MBTD1: variants seen among roughly 807,000 people sequenced by gnomAD.
MBTD1 encodes mbt domain containing 1, also known as MBT domain-containing protein 1.
Under a neutral mutation model 87.8 loss-of-function variants are expected in MBTD1, and 24 were observed. The ratio of observed to expected loss-of-function variants is 0.27; its 90% CI spans 0.20 to 0.38. MBTD1 has a LOEUF of 0.38. MBTD1 is among the 10% of genes least tolerant of loss of function. MBTD1 has a pLI of 1.00. For synonymous variants in MBTD1, 237 were observed against 248.6 expected (o/e 0.95, Z 0.44); for missense variants, 436 against 760.2 (o/e 0.57, Z 5.02).
intron 6 of MBTD1, among the ~76,000 whole-genome samples, chr17:51,210,087 C>T (rs1011342579): frequency 1.3e-5 from 2 of 152,070 alleles, no homozygotes; most frequent in African/African-American, 2.4e-5. Flanking sequence ...CTGCAACCTC[C>T]GCCTCCTGGG....
chr17:51,202,638 A>G (rs2051557520), intron 10 of MBTD1, 63 bp downstream of exon 10: 1 of 1,243,258 alleles, frequency 8.0e-7, no homozygotes, highest in African/African-American at 1.5e-5. Context: ...AGAGAAAAAT[A>G]ACCAACTAGT....
chr17:51,244,554 T>G (rs2054324699), intron 2 of MBTD1, among the ~76,000 whole-genome samples: 2 of 151,942 alleles, frequency 1.3e-5, no homozygotes, highest in African/African-American at 4.8e-5. Flanking sequence ...ATTACAGGTG[T>G]GCACCAACAA....
intron 6 of MBTD1, among the ~76,000 whole-genome samples, chr17:51,208,631 T>C (rs566364746): frequency 1.1e-3 from 175 of 152,322 alleles, no homozygotes; most frequent in Non-Finnish European, 2.0e-3. Flanking sequence ...CAGTGCAGCA[T>C]CCATCCCTCT....
intron 2 of MBTD1, among the ~76,000 whole-genome samples, chr17:51,257,601 G>A (rs1266147382): frequency 6.6e-6 from 1 of 152,130 alleles, no homozygotes; most frequent in Non-Finnish European, 1.5e-5. Context: ...TAAAGAATAT[G>A]GCAGCGTCTT....
At position 51,229,727 on chromosome 17, in the gene MBTD1, C is replaced by G. The variant is rs186784923; in HGVS notation, c.-48-4518G>C. On this transcript the variant is annotated intron_variant, in intron 2 of 16. Coordinates refer to ENST00000586178, the MANE Select transcript of MBTD1 (RefSeq NM_017643.3). ...CCAGGCTGGAGTGCAGTGGCGCAAT[C>G]TTGGCTCACTGCAAGCTCCGTCTCC... Among the ~76,000 whole-genome samples the G allele has an allele frequency of 2.9e-4, 42 of 146,822 alleles. 3 individuals are homozygous for G. The highest frequency in any genetic ancestry group is 2.9e-3 in the Admixed American group (41 of 14,378).
intron 6 of MBTD1, among the ~76,000 whole-genome samples, chr17:51,212,893 A>T (rs1568185235): frequency 6.6e-6 from 1 of 151,778 alleles, no homozygotes; most frequent in Admixed American, 6.6e-5. Context: ...AGTCTAGCTA[A>T]TTTTTTTTCT....
In MBTD1 at chr17:51,259,916, C is replaced by T. The variant is rs921227920; in HGVS notation, c.-194G>A. 4.4e-5 allele frequency: 54 copies of T among 1,226,134 alleles called. No individual in the cohort carries two copies. Among genetic ancestry groups the T allele is most frequent in the Non-Finnish European group, 5.2e-5 (51 of 982,700 alleles). The allele number at this position is 1,226,134 out of a possible 1,614,324, so 76.0% of individuals were successfully genotyped here. Reference sequence around the variant, plus strand: ...GAGCCCGCGGCGCCCCCTCCCCGGGCTGGGGGCAGGTGCCTCTCCCCGGGA... The same window carrying T: ...GAGCCCGCGGCGCCCCCTCCCCGGGTTGGGGGCAGGTGCCTCTCCCCGGGA... On this transcript the variant is annotated 5_prime_UTR_variant, in exon 1 of 17. Coordinates refer to ENST00000586178, the MANE Select transcript of MBTD1 (RefSeq NM_017643.3).
intron 3 of MBTD1, among the ~76,000 whole-genome samples, chr17:51,221,601 C>T (rs552508483): frequency 1.1e-4 from 16 of 152,156 alleles, no homozygotes; most frequent in Non-Finnish European, 2.1e-4. Flanking sequence ...GGTTCTGTAT[C>T]TGTGGATTCA....
intron 3 of MBTD1, among the ~76,000 whole-genome samples, chr17:51,224,628 T>C (rs1253509391): frequency 1.3e-5 from 2 of 152,186 alleles, no homozygotes; most frequent in African/African-American, 4.8e-5. Flanking sequence ...CAAGCACCAG[T>C]TATGTTAAAA....
In MBTD1 at chr17:51,218,645, G is replaced by A. The variant is rs1158133424; in HGVS notation, c.403+285C>T. 6.6e-6 allele frequency among the ~76,000 whole-genome samples: 1 copy of A among 150,460 alleles called. No homozygotes were observed. The highest frequency in any genetic ancestry group is 1.5e-5 in the Non-Finnish European group (1 of 67,846). The stretch of plus-strand genomic sequence containing the variant: ...AGCCTGCTGAACATCCCATTTCTTT[G>A]CCTAATATCTTCACAATTCAAAGAA... On this transcript the variant is annotated intron_variant, in intron 5 of 16. Coordinates refer to ENST00000586178, the MANE Select transcript of MBTD1 (RefSeq NM_017643.3).
chr17:51,200,914 A>G lies in MBTD1; in HGVS notation c.1224+678T>C, dbSNP rs1460360855. ...CGTGGCTCATGCCTATAATCCTAGCACTTTAGGAGGATTGCCTGAGCCCAG... is the reference window on the plus strand; with the variant it reads ...CGTGGCTCATGCCTATAATCCTAGCGCTTTAGGAGGATTGCCTGAGCCCAG... On this transcript the variant is annotated intron_variant, in intron 12 of 16. Coordinates refer to ENST00000586178, the MANE Select transcript of MBTD1 (RefSeq NM_017643.3). Among the ~76,000 whole-genome samples the G allele has an allele frequency of 1.8e-4, 27 of 151,928 alleles. 1 individual carries two copies. The highest frequency in any genetic ancestry group is 1.8e-3 in the Admixed American group (27 of 15,222).
upstream of MBTD1, chr17:51,260,308 T>C: frequency 1.9e-6 from 1 of 532,448 alleles, no homozygotes; most frequent in South Asian, 2.5e-5. Flanking sequence ...TTCAATATGT[T>C]GCAGCTGCGA....
chr17:51,201,294 T>C (rs919335860), intron 12 of MBTD1, among the ~76,000 whole-genome samples: 1 of 152,222 alleles, frequency 6.6e-6, no homozygotes, highest in African/African-American at 2.4e-5. Context: ...AACTTGGCCT[T>C]GTTACAATTC....
chr17:51,195,812 A>G (rs1228965409), intron 12 of MBTD1, among the ~76,000 whole-genome samples: 1 of 152,204 alleles, frequency 6.6e-6, no homozygotes, highest in Non-Finnish European at 1.5e-5. Flanking sequence ...TTTATGCTAC[A>G]GATAACCATA....
intron 2 of MBTD1, among the ~76,000 whole-genome samples, chr17:51,243,264 T>C (rs1297917290): frequency 1.3e-5 from 2 of 151,480 alleles, no homozygotes; most frequent in African/African-American, 2.4e-5. Flanking sequence ...GGATGAAAAA[T>C]GGTATGCCAG....
At chr17:51,190,551 C>CAT (rs1246060294) in intron 16 of MBTD1, among the ~76,000 whole-genome samples, 2 of 146,578 alleles carry the variant, frequency 1.4e-5, no homozygotes, top group Non-Finnish European at 1.5e-5. Flanking sequence ...GGTGAGACAC[C>CAT]ATTTCTATAA....
intron 16 of MBTD1, among the ~76,000 whole-genome samples, chr17:51,182,710 AT>A (rs776392529): frequency 1.3e-5 from 2 of 152,054 alleles, no homozygotes; most frequent in Non-Finnish European, 2.9e-5. Context: ...AAAGTTCTTC[AT>A]TTTTCTCTAT....
chr17:51,246,542 TTTGA>T (rs759232603), intron 2 of MBTD1, among the ~76,000 whole-genome samples: 76 of 152,356 alleles, frequency 5.0e-4, no homozygotes, highest in Non-Finnish European at 8.4e-4. Context: ...CGCTGAATTG[TTTGA>T]AGGTAGTTTT....
chr17:51,219,110 A>C, intron 4 of MBTD1, 66 bp from the exon 5 acceptor site: 1 of 754,032 alleles, frequency 1.3e-6, no homozygotes, highest in South Asian at 1.5e-5. Context: ...ATTTAACTGG[A>C]CTGCATACTA....
Sources: allele counts gnomAD v4.1 joint callset (sites outside exome capture counted in the v4.1 genomes callset), GRCh38; gene constraint gnomAD v4.1.1; transcripts MANE v1.5; gene names NCBI Gene and HGNC (gene_info 2026-07-23, HGNC 2026-07-21).